The following SUSD5 variants were observed in gnomAD, a reference collection of about 807,000 sequenced individuals.
SUSD5 encodes the protein sushi domain-containing protein 5.
Under a neutral mutation model 29.5 loss-of-function variants are expected in SUSD5, and 33 were observed. The observed-to-expected ratio is 1.12, with a 90% CI of 0.85 to 1.49. The LOEUF (loss-of-function observed/expected upper bound fraction) is 1.49. Among genes scored for constraint, SUSD5 ranks in the 40% most tolerant of loss-of-function variants. The probability of loss-of-function intolerance (pLI) is 0.00; values close to 1 mark genes in which losing one functional copy is unlikely to be tolerated. For missense variants in SUSD5, 776 were observed against 800.6 expected (o/e 0.97, Z 0.37); for synonymous variants, 308 against 325.3 (o/e 0.95, Z 0.57).
At chr3:33,181,893 C>T (rs576811075) in intron 3 of SUSD5, among the ~76,000 whole-genome samples, 44 of 152,310 alleles carry the variant, frequency 2.9e-4, no homozygotes, top group African/African-American at 1.1e-3. Flanking sequence ...GATGTTCACA[C>T]AATGACAAAA....
At chr3:33,181,054 T>A (rs1034021394) in intron 3 of SUSD5, among the ~76,000 whole-genome samples, 1 of 151,364 alleles carries the variant, frequency 6.6e-6, no homozygotes, top group Non-Finnish European at 1.5e-5. Flanking sequence ...AAAGAAAATG[T>A]TTGTACAGTT....
intron 1 of SUSD5, among the ~76,000 whole-genome samples, chr3:33,214,830 C>G (rs2032397916): frequency 1.3e-5 from 2 of 152,174 alleles, no homozygotes; most frequent in South Asian, 4.2e-4. Flanking sequence ...ACTGAGGTCC[C>G]CAGGAGCCTC....
chr3:33,217,445 T>C (rs2032444058), intron 1 of SUSD5, among the ~76,000 whole-genome samples: 1 of 152,214 alleles, frequency 6.6e-6, no homozygotes, highest in African/African-American at 2.4e-5. Context: ...TAACTGTATA[T>C]TTTAAAATGA....
At chr3:33,210,198 G>T (rs958582453) in intron 2 of SUSD5, among the ~76,000 whole-genome samples, 2 of 152,160 alleles carry the variant, frequency 1.3e-5, no homozygotes, top group Non-Finnish European at 1.5e-5. Context: ...TAGACATCTG[G>T]AGCACTGGAA....
At position 33,174,935 on chromosome 3, in the gene SUSD5, T is replaced by C. The variant is rs199941418; in HGVS notation, c.549A>G (p.Leu183=). Residue 183 remains leucine (L), a synonymous_variant, in exon 4 of 5, where the codon CTA becomes CTG. Coordinates refer to ENST00000309558, the MANE Select transcript of SUSD5 (RefSeq NM_015551.2). ...MGHRETAFTL[L]CNSCGEWYGL... is the part of the protein sequence containing the mutation. Reference sequence around the variant, plus strand: ...CGTACCACTCCCCACAGCTGTTACATAGCAAGGTGAAGGCGGTCTCCCGGT... The same window carrying C: ...CGTACCACTCCCCACAGCTGTTACACAGCAAGGTGAAGGCGGTCTCCCGGT... The C allele has an allele frequency of 9.2e-5, 149 of 1,613,922 alleles. No homozygotes were observed. Among genetic ancestry groups the C allele is most frequent in the Non-Finnish European group, 2.7e-5 (32 of 1,179,866 alleles).
chr3:33,164,587 G>C (rs1482416582), intron 4 of SUSD5, among the ~76,000 whole-genome samples: 2 of 151,996 alleles, frequency 1.3e-5, no homozygotes, highest in Non-Finnish European at 2.9e-5. Flanking sequence ...AACATGAAAA[G>C]GCAACTTACC....
intron 1 of SUSD5, among the ~76,000 whole-genome samples, chr3:33,214,796 G>C (rs2032397115): frequency 6.6e-6 from 1 of 152,056 alleles, no homozygotes; most frequent in African/African-American, 2.4e-5. Context: ...TTTTAAGCAA[G>C]GAAACCACGG....
At chr3:33,182,733 A>C (rs1384094540) in intron 3 of SUSD5, among the ~76,000 whole-genome samples, 1 of 152,158 alleles carries the variant, frequency 6.6e-6, no homozygotes, top group Admixed American at 6.5e-5. Flanking sequence ...AAATGAGTAT[A>C]GCTACTCCCA....
chr3:33,214,507 C>G (rs1338198931), intron 1 of SUSD5, among the ~76,000 whole-genome samples: 1 of 152,070 alleles, frequency 6.6e-6, no homozygotes, highest in African/African-American at 2.4e-5. Context: ...TTCTGCCTCC[C>G]TCAGCCCTAG....
chr3:33,174,262 T>C (rs1319294138), intron 4 of SUSD5, among the ~76,000 whole-genome samples: 1 of 152,116 alleles, frequency 6.6e-6, no homozygotes, highest in Non-Finnish European at 1.5e-5. Flanking sequence ...GTCTCCTCGC[T>C]CCACCCCTCA....
chr3:33,166,688 GAATAAATA>G (rs746553359), intron 4 of SUSD5, among the ~76,000 whole-genome samples: 2 of 152,108 alleles, frequency 1.3e-5, no homozygotes, highest in African/African-American at 4.8e-5. Context: ...AATGTTTGCT[GAATAAATA>G]AATAAATAAA....
At chr3:33,189,534 T>A (rs998255751) in intron 3 of SUSD5, among the ~76,000 whole-genome samples, 18 of 151,172 alleles carry the variant, frequency 1.2e-4, no homozygotes, top group African/African-American at 3.9e-4. Flanking sequence ...ATGTCCTGGA[T>A]TTGCTTTAAA....
At chr3:33,216,946 A>G (rs2125635423) in intron 1 of SUSD5, among the ~76,000 whole-genome samples, 1 of 152,338 alleles carries the variant, frequency 6.6e-6, no homozygotes, top group African/African-American at 2.4e-5. Context: ...GAAGTGGGGA[A>G]AGAAAAGGAA....
At position 33,153,826 on chromosome 3, in the gene SUSD5, G is replaced by T; in HGVS notation, c.806C>A (p.Thr269Asn). 1 of 1,614,022 alleles carries T rather than the reference G, an allele frequency of 6.2e-7. No individual in the cohort carries two copies. The highest frequency in any genetic ancestry group is 8.5e-7 in the Non-Finnish European group (1 of 1,179,878). The stretch of plus-strand genomic sequence containing the variant: ...GCTCCCAGCACCAGGCAAGCCTGTG[G>T]TTGGCACAAAGACTTTATCCCGGGC... ...NIARDKVFVP[T>N]TGLPGAGSSV... The change falls in exon 5 of 5, where the codon ACC becomes AAC. Residue 269 changes from threonine (T) to asparagine (N), a missense_variant. Thr to Asn is a moderately conservative substitution (Grantham distance 65). Coordinates refer to ENST00000309558, the MANE Select transcript of SUSD5 (RefSeq NM_015551.2).
intron 1 of SUSD5, among the ~76,000 whole-genome samples, chr3:33,214,821 C>G (rs1483109452): frequency 6.6e-6 from 1 of 152,096 alleles, no homozygotes; most frequent in Non-Finnish European, 1.5e-5. Context: ...GGAGGGAGCA[C>G]TGAGGTCCCC....
intron 3 of SUSD5, among the ~76,000 whole-genome samples, chr3:33,205,196 A>C (rs1009284859): frequency 5.3e-5 from 8 of 152,206 alleles, no homozygotes; most frequent in African/African-American, 1.9e-4. Context: ...ACGTTGATAC[A>C]ATACTATTAT....
chr3:33,188,544 A>G (rs1293645084), intron 3 of SUSD5, among the ~76,000 whole-genome samples: 3 of 152,204 alleles, frequency 2.0e-5, no homozygotes, highest in Non-Finnish European at 4.4e-5. Context: ...CTGACTCTGT[A>G]GCTGAGGCCC....
chr3:33,163,082 G>A (rs549939594), intron 4 of SUSD5, among the ~76,000 whole-genome samples: 55 of 152,222 alleles, frequency 3.6e-4, no homozygotes, highest in African/African-American at 1.1e-3. Context: ...CTAGGCACAG[G>A]TGGATTTACC....
At chr3:33,206,649 A>C (rs546921752) in intron 3 of SUSD5, among the ~76,000 whole-genome samples, 23 of 151,900 alleles carry the variant, frequency 1.5e-4, no homozygotes, top group Admixed American at 4.6e-4. Flanking sequence ...GTTCACCATG[A>C]CTCTTACTTT....
Sources: allele counts gnomAD v4.1 joint callset (sites outside exome capture counted in the v4.1 genomes callset), GRCh38; gene constraint gnomAD v4.1.1; transcripts MANE v1.5; gene names NCBI Gene and HGNC (gene_info 2026-07-23, HGNC 2026-07-21).